Variants in AHDC1 observed in about 807,000 individuals in gnomAD.
AHDC1 encodes the protein transcription factor Gibbin.
In AHDC1, 7 loss-of-function variants were observed where a neutral mutation model predicts 87.9. That is an observed-to-expected ratio of 0.08 (90% CI 0.05 to 0.15). The LOEUF (loss-of-function observed/expected upper bound fraction) is 0.15, where lower values mean the gene tolerates loss of function less well. Among genes scored for constraint, AHDC1 ranks in the 10% least tolerant of loss-of-function variants. AHDC1 has a pLI of 1.00. For synonymous variants in AHDC1, 1,051 were observed against 1,006.8 expected (o/e 1.04, Z -0.83); for missense variants, 1,841 against 2,253.2 (o/e 0.82, Z 3.70).
chr1:27,602,991 C>A (rs957488216), intron 3 of AHDC1, among the ~76,000 whole-genome samples: 18 of 140,484 alleles, frequency 1.3e-4, no homozygotes, highest in Non-Finnish European at 2.3e-4. Context: ...TTCATTCCCC[C>A]CCCCCCCACA....
At chr1:27,585,179 GGAA>G (rs2089016120) in intron 3 of AHDC1, among the ~76,000 whole-genome samples, 9 of 150,782 alleles carry the variant, frequency 6.0e-5, no homozygotes, top group Admixed American at 5.9e-4. Context: ...CCTGACCCTG[GGAA>G]GTCGAGGCTG....
intron 3 of AHDC1, among the ~76,000 whole-genome samples, chr1:27,582,038 C>A (rs1242515356): frequency 6.6e-6 from 1 of 152,236 alleles, no homozygotes; most frequent in Non-Finnish European, 1.5e-5. Context: ...CTGAACTCAC[C>A]CTGATTCCGC....
intron 3 of AHDC1, among the ~76,000 whole-genome samples, chr1:27,597,764 C>T (rs1006465889): frequency 3.3e-5 from 5 of 151,892 alleles, no homozygotes; most frequent in Non-Finnish European, 5.9e-5. Flanking sequence ...CAGTCTTCTC[C>T]CTCCCTCTCC....
At chr1:27,575,685 C>A (rs2088705164) in intron 3 of AHDC1, among the ~76,000 whole-genome samples, 1 of 151,662 alleles carries the variant, frequency 6.6e-6, no homozygotes, top group Non-Finnish European at 1.5e-5. Flanking sequence ...CCTCGGCCCC[C>A]ACCCGGTCCA....
rs767121093 is a variant in AHDC1, at chr1:27,548,573, C to G, written c.3543G>C (p.Gly1181=). The G allele has an allele frequency of 6.4e-5, 103 of 1,613,242 alleles. No individual in the cohort carries two copies. The highest frequency in any genetic ancestry group is 8.6e-5 in the Non-Finnish European group (102 of 1,179,944). The change falls in exon 8 of 9, where the codon GGG becomes GGC. Residue 1181 remains glycine, a synonymous_variant. Transcript: ENST00000673934. ...AGGCCTCGCTGTTGGCACGCCGAAA[C>G]CCCCCGCCACCAACCGGCTGATTGA... ...TQFNQPVGGG[G]FRRANSEASS...
Position 27,561,856 on chromosome 1 carries a change from G to A in AHDC1, c.-628-2973C>T, listed in dbSNP as rs2020100874. On this transcript the variant is annotated intron_variant, in intron 3 of 8. Coordinates refer to ENST00000673934, the MANE Select transcript of AHDC1 (RefSeq NM_001371928.1). This position sits in a 1 kb window ranked among gnomAD's most constrained non-coding sequence, Gnocchi z 4.2. ...CACGCACAAACACAAAAGCAGAGAC[G>A]GACTGGTGATGAGGGGCTCATGGAA... Among the ~76,000 whole-genome samples the A allele has an allele frequency of 6.6e-6, 1 of 152,028 alleles. No homozygotes were observed. The highest frequency in any genetic ancestry group is 2.4e-5 in the African/African-American group (1 of 41,380).
Position 27,549,684 on chromosome 1 carries a change from G to A in AHDC1, c.2432C>T (p.Ser811Leu), listed in dbSNP as rs2019410275. Residue 811 changes from serine to leucine, a missense_variant, in exon 8 of 9, where the codon TCA (serine) becomes TTA (leucine). Coordinates refer to ENST00000673934, the MANE Select transcript of AHDC1 (RefSeq NM_001371928.1). ...FASTGLESGA[S>L]GRGSYYSTGA... ...CGTGCTGTAGTAGCTGCCACGGCCT[G>A]AGGCTCCACTCTCCAGCCCAGTGGA... 6.2e-7 allele frequency: 1 copy of A among 1,612,790 alleles called. No individual in the cohort carries two copies. Among genetic ancestry groups the A allele is most frequent in the Non-Finnish European group, 8.5e-7 (1 of 1,179,954 alleles).
chr1:27,552,400 CTTT>C (rs750916427), intron 7 of AHDC1: 506 of 270,870 alleles, frequency 1.9e-3, no homozygotes, highest in East Asian at 3.1e-3. Flanking sequence ...CCCAGTTTCA[CTTT>C]TTTTTTTTTT....
chr1:27,549,178 C>T lies in AHDC1; in HGVS notation c.2938G>A (p.Val980Ile), dbSNP rs753538351. The T allele has an allele frequency of 1.3e-5, 21 of 1,580,834 alleles. No individual in the cohort carries two copies. The highest frequency in any genetic ancestry group is 1.2e-4 in the South Asian group (10 of 86,892). The change falls in exon 8 of 9, where the codon GTA (valine) becomes ATA (isoleucine). Residue 980 changes from valine to isoleucine, a missense_variant. Val to Ile is a conservative substitution (Grantham distance 29, BLOSUM62 3). Coordinates refer to ENST00000673934, the MANE Select transcript of AHDC1 (RefSeq NM_001371928.1). Reference sequence around the variant, plus strand: ...GTAAAGGGCTTAGTTGGGGCGAATACGCTTTGTCCGGCCCCATAGCCGCCG... The same window carrying T: ...GTAAAGGGCTTAGTTGGGGCGAATATGCTTTGTCCGGCCCCATAGCCGCCG... Reference protein sequence around the residue: ...QYGGYGAGQSVFAPTKPFTGQ... With the variant: ...QYGGYGAGQSIFAPTKPFTGQ...
chr1:27,550,132 C>A lies in AHDC1; in HGVS notation c.1984G>T (p.Val662Leu). 1 of 1,610,676 alleles carries A rather than the reference C, an allele frequency of 6.2e-7. No homozygotes were observed. Residue 662 changes from valine (V) to leucine (L), a missense_variant, in exon 8 of 9, where the codon GTG becomes TTG. By Grantham distance (32) the Val-to-Leu change is conservative (BLOSUM62 1). Coordinates refer to ENST00000673934, the MANE Select transcript of AHDC1 (RefSeq NM_001371928.1). ...CCCCCACGCCGCCGGAAGCCCTGCACACGATGCAGGAAGTGGGAGATGCTC... is the reference window on the plus strand; with the variant it reads ...CCCCCACGCCGCCGGAAGCCCTGCAAACGATGCAGGAAGTGGGAGATGCTC... ...TQSISHFLHR[V>L]QGFRRRGGKA...
rs748753005 is a variant in AHDC1 at position 27,549,097 on chromosome 1, T to C, written c.3019A>G (p.Ser1007Gly). 8 of 1,553,894 alleles carry C rather than the reference T, an allele frequency of 5.1e-6. No homozygotes were observed. The South Asian group carries it at 8.5e-5, about 16-fold the overall frequency. ...GCGCTGCTGGGTGAGGCAGGGAGGC[T>C]GTTGCCACTGCCATAGGCGAAGCTG... ...DCSFAYGSGN[S>G]LPASPSSAHS... The change falls in exon 8 of 9, where the codon AGC becomes GGC. Residue 1007 changes from serine to glycine, a missense_variant. Ser to Gly is a moderately conservative substitution (Grantham distance 56). Around this residue, in one of 13 missense-constraint regions of AHDC1, gnomAD observed 378 missense variants for 399.0 expected, o/e 0.95. Coordinates refer to ENST00000673934, the MANE Select transcript of AHDC1 (RefSeq NM_001371928.1).
In AHDC1 at chr1:27,590,290, C is replaced by G. The variant is rs1464149069; in HGVS notation, c.-629+13107G>C. On this transcript the variant is annotated intron_variant, in intron 3 of 8. Coordinates refer to ENST00000673934, the MANE Select transcript of AHDC1 (RefSeq NM_001371928.1). The surrounding 1 kb of genome is among the most constrained non-coding windows in gnomAD (Gnocchi z 5.4). ...AGGCAGCAGCGAGTTCCCTGGGGAG[C>G]TGGGCGGGGAGGCCCACAACTCCAA... 6.6e-6 allele frequency among the ~76,000 whole-genome samples: 1 copy of G among 152,198 alleles called. No homozygotes were observed. Among genetic ancestry groups the G allele is most frequent in the Non-Finnish European group, 1.5e-5 (1 of 68,006 alleles).
chr1:27,553,807 T>G (rs1454132002), intron 5 of AHDC1, among the ~76,000 whole-genome samples: 1 of 152,128 alleles, frequency 6.6e-6, no homozygotes, highest in African/African-American at 2.4e-5. Flanking sequence ...GGCTCACACC[T>G]GTAATCCCAG....
chr1:27,594,789 G>A (rs978705749), intron 3 of AHDC1, among the ~76,000 whole-genome samples: 4 of 152,140 alleles, frequency 2.6e-5, no homozygotes, highest in African/African-American at 4.8e-5. Context: ...ATGTGCCAAC[G>A]GTGGGAGTGA....
At chr1:27,559,028 G>A (rs752649549) in intron 3 of AHDC1, 145 bp from the exon 4 acceptor site, 16 of 396,614 alleles carry the variant, frequency 4.0e-5, no homozygotes, top group Non-Finnish European at 6.6e-5. Flanking sequence ...TATCCCACCT[G>A]GGAACTGTGA....
At chr1:27,583,873 T>C (rs146036811) in intron 3 of AHDC1, among the ~76,000 whole-genome samples, 1 of 152,302 alleles carries the variant, frequency 6.6e-6, no homozygotes, top group Non-Finnish European at 1.5e-5. Context: ...TAGCATCTTA[T>C]CATTTCACTT....
At chr1:27,587,521 T>C (rs2089093905) in intron 3 of AHDC1, among the ~76,000 whole-genome samples, 1 of 152,150 alleles carries the variant, frequency 6.6e-6, no homozygotes, top group African/African-American at 2.4e-5. Flanking sequence ...TCAATACCAG[T>C]TCCTCCATGA....
chr1:27,576,627 C>A (rs74629153), intron 3 of AHDC1, among the ~76,000 whole-genome samples: 1,717 of 152,340 alleles, frequency 0.011, 28 homozygotes, highest in African/African-American at 0.039. Context: ...CCGTTAACCA[C>A]TGAACACAGT....
rs539682561 is a variant in AHDC1 at position 27,560,891 on chromosome 1, G to A, written c.-628-2008C>T. Among the ~76,000 whole-genome samples the A allele has an allele frequency of 6.6e-6, 1 of 152,172 alleles. No homozygotes were observed. Among genetic ancestry groups the A allele is most frequent in the East Asian group, 1.9e-4 (1 of 5,170 alleles). On this transcript the variant is annotated intron_variant, in intron 3 of 8. Transcript: ENST00000673934. This position sits in a 1 kb window ranked among gnomAD's most constrained non-coding sequence, Gnocchi z 4.1. ...CATGCATGTGAGATACCCTTTGTGA[G>A]ACGGTGTGTGTGTGTCTGTGTCACT...
Sources: gnomAD v4.1 joint callset for allele counts (sites outside exome capture counted in the v4.1 genomes callset) on GRCh38, gnomAD v4.1.1 for gene constraint, gnomAD v4.1.1 regional missense constraint, Gnocchi (gnomAD v3.1) non-coding constraint, MANE v1.5 for transcripts, NCBI Gene and HGNC (gene_info 2026-07-23, HGNC 2026-07-21) for gene names.